KCNH5: variants seen among roughly 807,000 people sequenced by gnomAD.
The protein encoded by KCNH5 is potassium voltage-gated channel subfamily H member 5.
A neutral mutation model predicts 96.1 loss-of-function variants in KCNH5; 46 were observed. That is an observed-to-expected ratio of 0.48 (90% CI 0.38 to 0.61). The LOEUF (loss-of-function observed/expected upper bound fraction) is 0.61, where lower values mean the gene tolerates loss of function less well. KCNH5 is among the 20% of genes least tolerant of loss of function. The pLI is 0.00. For missense variants in KCNH5, 907 were observed against 1,225.8 expected, an observed-to-expected ratio of 0.74 and a Z score of 3.88; for synonymous variants, 439 against 449.8, an observed-to-expected ratio of 0.98 and a Z score of 0.30.
chr14:62,799,952 G>A (rs889941590), intron 9 of KCNH5, among the ~76,000 whole-genome samples: 13 of 149,068 alleles, frequency 8.7e-5, no homozygotes, highest in African/African-American at 3.0e-4. Flanking sequence ...AAAATGAGAA[G>A]AAGAAGAGGA....
chr14:62,925,811 T>C (rs1184575555), intron 7 of KCNH5, among the ~76,000 whole-genome samples: 2 of 151,988 alleles, frequency 1.3e-5, no homozygotes, highest in South Asian at 2.1e-4. Context: ...CCACAGACTA[T>C]AAATAATAGT....
chr14:62,977,240 G>T (rs1373006523), intron 6 of KCNH5, among the ~76,000 whole-genome samples: 1 of 151,936 alleles, frequency 6.6e-6, no homozygotes, highest in Non-Finnish European at 1.5e-5. Context: ...GGTGGTGCGC[G>T]CCTCTAGTCC....
In KCNH5 at chr14:63,001,389, C is replaced by T. The variant is rs1173857920; in HGVS notation, c.375G>A (p.Leu125=). The T allele has an allele frequency of 6.2e-7, 1 of 1,612,612 alleles. No homozygotes were observed. The highest frequency in any genetic ancestry group is 8.5e-7 in the Non-Finnish European group (1 of 1,179,268). Residue 125 remains leucine, a synonymous_variant, in exon 4 of 11, where the codon CTG becomes CTA. Transcript: ENST00000322893. ...RNEHEKVVLF[L]CTFKDITLFK... The stretch of plus-strand genomic sequence containing the variant: ...ACAACGTAATATCCTTGAAAGTACA[C>T]AGGAACAAGACCACCTTTTCATGTT...
intron 2 of KCNH5, 45 bp from the exon 3 acceptor site, chr14:63,006,517 C>A (rs1031467692): frequency 9.1e-7 from 1 of 1,099,016 alleles, no homozygotes; most frequent in Non-Finnish European, 1.4e-6. Context: ...TTTTGTGTTG[C>A]CTTTCAAATG....
At chr14:62,972,183 A>G (rs192166351) in intron 6 of KCNH5, among the ~76,000 whole-genome samples, 90 of 152,336 alleles carry the variant, frequency 5.9e-4, no homozygotes, top group African/African-American at 2.0e-3. Flanking sequence ...ATCTGAACAC[A>G]CATCTTACCA....
intron 7 of KCNH5, among the ~76,000 whole-genome samples, chr14:62,877,615 C>A (rs1399938928): frequency 6.6e-6 from 1 of 152,130 alleles, no homozygotes; most frequent in African/African-American, 2.4e-5. Context: ...CACTGGCCAT[C>A]AGAGAAATGC....
intron 10 of KCNH5, among the ~76,000 whole-genome samples, chr14:62,759,761 A>G (rs1425333742): frequency 6.6e-6 from 1 of 152,196 alleles, no homozygotes; most frequent in Admixed American, 6.5e-5. Flanking sequence ...CAAGCTGAGT[A>G]GAATGACTCA....
At position 62,704,859 on chromosome 14, in the gene KCNH5, C is replaced by G. The variant is rs558597857; in HGVS notation, c.*2649G>C. On this transcript the variant is annotated 3_prime_UTR_variant, in exon 11 of 11. Coordinates refer to ENST00000322893, the MANE Select transcript of KCNH5 (RefSeq NM_139318.5). ...TATTGCATGTATTAAAGCAAATATT[C>G]TCCCTTCATTCAAATCTGAGTAAAT... The G allele has an allele frequency of 1.3e-4, 20 of 152,018 alleles. No individual in the cohort carries two copies. Among genetic ancestry groups the G allele is most frequent in the African/African-American group, 4.8e-4 (20 of 41,540 alleles). 9.4% of individuals were successfully genotyped at this position (152,018 alleles called of 1,614,324 possible). A position where few individuals can be genotyped will look rare whatever the true frequency, so the allele number is the denominator to read the frequency against.
chr14:62,936,144 TAGG>T (rs760461516), intron 7 of KCNH5, among the ~76,000 whole-genome samples: 59 of 152,212 alleles, frequency 3.9e-4, no homozygotes, highest in South Asian at 8.3e-4. Context: ...AGAGGCAGTA[TAGG>T]AGAAGAGGCC....
intron 9 of KCNH5, among the ~76,000 whole-genome samples, chr14:62,784,168 C>T (rs933147797): frequency 6.6e-6 from 1 of 152,162 alleles, no homozygotes; most frequent in African/African-American, 2.4e-5. Flanking sequence ...TCACGTCTTA[C>T]ACGGTGGCAG....
At chr14:62,712,208 TTA>T (rs1566635716) in intron 10 of KCNH5, 2 of 152,962 alleles carry the variant, frequency 1.3e-5, no homozygotes, top group Non-Finnish European at 2.9e-5. Context: ...GTAGTTTTTT[TTA>T]AAAAAAATAC....
intron 10 of KCNH5, among the ~76,000 whole-genome samples, chr14:62,711,153 A>T (rs890808374): frequency 6.6e-6 from 1 of 152,124 alleles, no homozygotes; most frequent in African/African-American, 2.4e-5. Flanking sequence ...TTTGTGTTGT[A>T]AGACTGTAAC....
At chr14:62,724,141 TA>T (rs1884873202) in intron 10 of KCNH5, among the ~76,000 whole-genome samples, 2 of 152,232 alleles carry the variant, frequency 1.3e-5, no homozygotes, top group South Asian at 2.1e-4. Context: ...ATTTATGTTT[TA>T]TTTAGTAAAA....
chr14:62,757,343 G>A (rs948418623), intron 10 of KCNH5, among the ~76,000 whole-genome samples: 4 of 152,098 alleles, frequency 2.6e-5, no homozygotes, highest in Admixed American at 6.6e-5. Flanking sequence ...ACTGTTGGTC[G>A]GAATGTAAAT....
intron 10 of KCNH5, among the ~76,000 whole-genome samples, chr14:62,730,810 G>T (rs1885032632): frequency 6.6e-6 from 1 of 152,024 alleles, no homozygotes; most frequent in Admixed American, 6.6e-5. Context: ...ATCAAAAGCT[G>T]GTAGAGTAAA....
At chr14:63,005,627 C>A (rs1276350712) in intron 3 of KCNH5, among the ~76,000 whole-genome samples, 3 of 152,076 alleles carry the variant, frequency 2.0e-5, no homozygotes. Flanking sequence ...GAGGAAACAG[C>A]AAAAAGATAA....
chr14:62,783,996 G>A (rs1166628623), intron 9 of KCNH5, among the ~76,000 whole-genome samples: 1 of 150,968 alleles, frequency 6.6e-6, no homozygotes, highest in African/African-American at 2.5e-5. Flanking sequence ...ATAATTATAT[G>A]TTATTATATA....
intron 8 of KCNH5, among the ~76,000 whole-genome samples, chr14:62,841,310 A>T (rs1345491945): frequency 2.6e-5 from 4 of 152,236 alleles, no homozygotes; most frequent in Non-Finnish European, 5.9e-5. Flanking sequence ...AAGTCTCGGA[A>T]GCATTATGGT....
rs543797063 is a variant in KCNH5 at position 62,877,260 on chromosome 14, T to A, written c.1370-27408A>T. Among the ~76,000 whole-genome samples, 8 of 151,514 alleles carry A rather than the reference T, an allele frequency of 5.3e-5. No individual in the cohort carries two copies. In the South Asian group the frequency reaches 1.1e-3, roughly 20 times the overall value. On this transcript the variant is annotated intron_variant, in intron 7 of 10. Transcript: ENST00000322893. Reference sequence around the variant, plus strand: ...AAAACCCTAGAAGAAAACCTAGGCATTACCATTCAGGACATAGGCATGGGC... The same window carrying A: ...AAAACCCTAGAAGAAAACCTAGGCAATACCATTCAGGACATAGGCATGGGC...
Sources: gnomAD v4.1 joint callset for allele counts (sites outside exome capture counted in the v4.1 genomes callset) on GRCh38, gnomAD v4.1.1 for gene constraint, MANE v1.5 for transcripts, NCBI Gene and HGNC (gene_info 2026-07-23, HGNC 2026-07-21) for gene names.